Variants in CCNB2 observed in about 807,000 individuals in gnomAD.
CCNB2 encodes the protein G2/mitotic-specific cyclin-B2.
A neutral mutation model predicts 51.1 loss-of-function variants in CCNB2; 39 were observed. The observed-to-expected ratio is 0.76, with a 90% confidence interval of 0.59 to 1.00. The LOEUF (loss-of-function observed/expected upper bound fraction) is 1.00. Among genes scored for constraint, CCNB2 ranks in the 50% least tolerant of loss-of-function variants. CCNB2 has a pLI of 0.00. For synonymous variants in CCNB2, 174 were observed against 165.5 expected (o/e 1.05, Z -0.40); for missense variants, 472 against 470.3 (o/e 1.00, Z -0.03).
Position 59,112,928 on chromosome 15 carries a change from A to G in CCNB2, c.268-1516A>G, listed in dbSNP as rs1402963992. On this transcript the variant is annotated intron_variant, in intron 3 of 8. Transcript: ENST00000288207. ...AGGCGCCTGTAGTCCCAGCTACTCC[A>G]GAAGCTGAGGCAGGAGAATGGCGTG... Among the ~76,000 whole-genome samples, 8 of 152,056 alleles carry G rather than the reference A, an allele frequency of 5.3e-5. No individual in the cohort carries two copies. The South Asian group carries it at 8.3e-4, about 16-fold the overall frequency.
At chr15:59,117,060 T>A in intron 6 of CCNB2, 134 bp downstream of exon 6, 1 of 978,304 alleles carries the variant, frequency 1.0e-6, no homozygotes, top group Non-Finnish European at 1.5e-6. Flanking sequence ...CATCAGTTCT[T>A]AAGAGAAAAG....
intron 8 of CCNB2, chr15:59,124,254 G>A (rs1262373714): frequency 6.0e-6 from 1 of 165,914 alleles, no homozygotes; most frequent in Admixed American, 5.6e-5. Flanking sequence ...TGGTGGCAAA[G>A]AGCAAGGTAT....
intron 1 of CCNB2, 22 bp from the exon 2 acceptor site, chr15:59,107,300 T>A (rs1311810712): frequency 6.5e-7 from 1 of 1,530,368 alleles, no homozygotes; most frequent in Non-Finnish European, 8.8e-7. Flanking sequence ...AAGGTTTCAT[T>A]ACTTTTTTTT....
At chr15:59,108,483 C>A (rs992394502) in intron 3 of CCNB2, among the ~76,000 whole-genome samples, 2 of 152,234 alleles carry the variant, frequency 1.3e-5, no homozygotes, top group East Asian at 3.9e-4. Context: ...TACCCATACA[C>A]CAGTATCAAT....
chr15:59,114,736 C>A lies in CCNB2; in HGVS notation c.457C>A (p.Pro153Thr). 1 of 1,612,126 alleles carries A rather than the reference C, an allele frequency of 6.2e-7. No individual in the cohort carries two copies. The highest frequency in any genetic ancestry group is 8.5e-7 in the Non-Finnish European group (1 of 1,178,476). Residue 153 changes from proline (P) to threonine (T), a missense_variant, in exon 5 of 9, where the codon CCA becomes ACA. By Grantham distance (38) the Pro-to-Thr change is conservative (BLOSUM62 -1). Coordinates refer to ENST00000288207, the MANE Select transcript of CCNB2 (RefSeq NM_004701.4). Reference sequence around the variant, plus strand: ...CCCACAGGTTTTGCAGTCCATAAACCCACATTTCTTAGATGGAAGAGATAT... The same window carrying A: ...CCCACAGGTTTTGCAGTCCATAAACACACATTTCTTAGATGGAAGAGATAT... ...RQLEVLQSIN[P>T]HFLDGRDING...
chr15:59,112,111 C>T (rs1955620943), intron 3 of CCNB2, among the ~76,000 whole-genome samples: 1 of 151,984 alleles, frequency 6.6e-6, no homozygotes, highest in Non-Finnish European at 1.5e-5. Context: ...CTCAGCCTTC[C>T]AAAATGCTGG....
At chr15:59,121,905 C>T (rs1453371157) in intron 7 of CCNB2, among the ~76,000 whole-genome samples, 1 of 132,740 alleles carries the variant, frequency 7.5e-6, no homozygotes, top group Non-Finnish European at 1.5e-5. Context: ...GCACTCCAGC[C>T]TGGGCGACAG....
intron 3 of CCNB2, among the ~76,000 whole-genome samples, chr15:59,109,063 TG>T (rs575189372): frequency 6.6e-6 from 1 of 151,770 alleles, no homozygotes; most frequent in Middle Eastern, 3.2e-3. Flanking sequence ...TATATATTTT[TG>T]GGGGGGGACG....
rs577326998 is a variant in CCNB2 at position 59,108,752 on chromosome 15, A to G, written c.267+1082A>G. On this transcript the variant is annotated intron_variant, in intron 3 of 8. Coordinates refer to ENST00000288207, the MANE Select transcript of CCNB2 (RefSeq NM_004701.4). The stretch of plus-strand genomic sequence containing the variant: ...CCGAGGGACATCTGCCTGGAAATGC[A>G]GTTGGAAATGTGGCAGCAACATCTG... 3.3e-5 allele frequency among the ~76,000 whole-genome samples: 5 copies of G among 152,336 alleles called. No homozygotes were observed. The South Asian group carries it at 1.0e-3, about 32-fold the overall frequency.
chr15:59,108,529 A>T (rs1035990003), intron 3 of CCNB2, among the ~76,000 whole-genome samples: 1 of 125,854 alleles, frequency 7.9e-6, no homozygotes, highest in Non-Finnish European at 1.6e-5. Context: ...ATGTGTTAGG[A>T]TGTCTCAGAA....
rs1433361474 is a variant in CCNB2, at chr15:59,114,799, G to A, written c.520G>A (p.Val174Ile). Residue 174 changes from valine to isoleucine, a missense_variant, in exon 5 of 9, where the codon GTA becomes ATA. Val to Ile is a conservative substitution (Grantham distance 29). Transcript: ENST00000288207. ...RMRAILVDWLVQVHSKFRLLQ... is the reference protein window; with the variant it reads ...RMRAILVDWLIQVHSKFRLLQ... ...GCGTGCCATCCTAGTGGATTGGCTG[G>A]TACAAGTCCACTCCAAGTTTAGGCT... is the stretch of plus-strand genomic sequence containing the variant. The A allele has an allele frequency of 6.2e-7, 1 of 1,614,024 alleles. No homozygotes were observed. The highest frequency in any genetic ancestry group is 8.5e-7 in the Non-Finnish European group (1 of 1,179,996).
rs540537240 is a variant in CCNB2, at chr15:59,117,545, T to C, written c.975+177T>C. On this transcript the variant is annotated intron_variant, in intron 7 of 8. Transcript: ENST00000288207. ...GTGTGGTGGTGCCATCACAGCCCAC[T>C]GCAGCCTTGACTTCCCAGGCTCAAG... 7.9e-5 allele frequency among the ~76,000 whole-genome samples: 12 copies of C among 152,314 alleles called. No homozygotes were observed. The East Asian group carries it at 2.1e-3, about 27-fold the overall frequency.
chr15:59,123,699 G>A (rs895903309), intron 8 of CCNB2, 72 bp downstream of exon 8: 1 of 737,712 alleles, frequency 1.4e-6, no homozygotes, highest in Non-Finnish European at 2.4e-6. Flanking sequence ...TGGGCGGGGG[G>A]GGGCGGTGTG....
chr15:59,124,462 G>T, intron 8 of CCNB2: 1 of 375,902 alleles, frequency 2.7e-6, no homozygotes, highest in Non-Finnish European at 4.9e-6. Context: ...TGGCACTTAG[G>T]TGTCGTAAAC....
At chr15:59,119,712 C>T (rs1167822109) in intron 7 of CCNB2, among the ~76,000 whole-genome samples, 1 of 151,980 alleles carries the variant, frequency 6.6e-6, no homozygotes, top group Non-Finnish European at 1.5e-5. Flanking sequence ...ATTATTAATT[C>T]ATTAATTTTT....
intron 3 of CCNB2, among the ~76,000 whole-genome samples, chr15:59,108,133 C>T (rs28491732): frequency 0.038 from 5,816 of 152,164 alleles, 236 homozygotes; most frequent in African/African-American, 0.099. Context: ...TGATAGCTGA[C>T]AGGAAAGGGC....
chr15:59,114,965 GA>G (rs1158571301), intron 5 of CCNB2, 89 bp downstream of exon 5: 4 of 1,333,378 alleles, frequency 3.0e-6, no homozygotes, highest in Non-Finnish European at 4.1e-6. Flanking sequence ...GGGTACTTCT[GA>G]AAAAAAGACC....
intron 1 of CCNB2, 69 bp from the exon 2 acceptor site, chr15:59,107,252 TG>T: frequency 7.2e-7 from 1 of 1,390,852 alleles, no homozygotes; most frequent in Non-Finnish European, 9.8e-7. Context: ...ATTCTAAATT[TG>T]AGTATCTAAC....
At chr15:59,121,206 CAG>C (rs1253783767) in intron 7 of CCNB2, 9 of 152,100 alleles carry the variant, frequency 5.9e-5, no homozygotes, top group African/African-American at 1.9e-4. Context: ...TGAGTATACA[CAG>C]AGAGGGAGAG....
Sources: gnomAD v4.1 joint callset for allele counts (sites outside exome capture counted in the v4.1 genomes callset) on GRCh38, gnomAD v4.1.1 for gene constraint, MANE v1.5 for transcripts, NCBI Gene and HGNC (gene_info 2026-07-23, HGNC 2026-07-21) for gene names.